FAM193A: variants seen among roughly 807,000 people sequenced by gnomAD.
FAM193A encodes the protein family with sequence similarity 193 member A.
Under a neutral mutation model 126.5 loss-of-function variants are expected in FAM193A, and 22 were observed. That is an observed-to-expected ratio of 0.17 (90% CI 0.12 to 0.25). The LOEUF (loss-of-function observed/expected upper bound fraction) is 0.25, where lower values mean the gene tolerates loss of function less well. Ranked by LOEUF, FAM193A falls within the 10% of genes least tolerant of loss-of-function variation. The pLI is 1.00. For missense variants in FAM193A, 1,675 were observed against 1,672.8 expected, an observed-to-expected ratio of 1.00 and a Z score of -0.02; for synonymous variants, 761 against 646.8, an observed-to-expected ratio of 1.18 and a Z score of -2.68.
chr4:2,625,216 G>C, intron 2 of FAM193A, 46 bp from the exon 3 acceptor site: 1 of 639,580 alleles, frequency 1.6e-6, no homozygotes, highest in Non-Finnish European at 2.9e-6. Flanking sequence ...TTGATGCCGT[G>C]AACATTTTAA....
chr4:2,539,573 A>G (rs888285420), intron 1 of FAM193A, among the ~76,000 whole-genome samples: 1 of 151,884 alleles, frequency 6.6e-6, no homozygotes, highest in African/African-American at 2.4e-5. Flanking sequence ...TGCCTGGCTA[A>G]TTTGTTCTTT....
intron 1 of FAM193A, among the ~76,000 whole-genome samples, chr4:2,550,041 T>TA (rs1405352222): frequency 2.7e-5 from 4 of 148,242 alleles, no homozygotes; most frequent in South Asian, 2.2e-4. Flanking sequence ...TTTTTTTTTT[T>TA]AATTTTAATT....
rs1207985820 is a variant in FAM193A, at chr4:2,620,836, C to CAAAAAAAAAAAGAAAAAAA, written c.502-4415_502-4414insGAAAAAAAAAAAAAAAAAA. On this transcript the variant is annotated intron_variant, in intron 2 of 20. Coordinates refer to ENST00000637812, the MANE Select transcript of FAM193A (RefSeq NM_001366318.2). ...GGGCAAGAAGACTGCAACTCCGTCT[C>CAAAAAAAAAAAGAAAAAAA]AAAAAAAAAAAAAAAAAAAAAAGTA... Among the ~76,000 whole-genome samples, 396 of 69,082 alleles carry CAAAAAAAAAAAGAAAAAAA rather than the reference C, an allele frequency of 5.7e-3. 5 individuals carry two copies. Among genetic ancestry groups the CAAAAAAAAAAAGAAAAAAA allele is most frequent in the African/African-American group, 0.023 (378 of 16,488 alleles). 45.3% of individuals were successfully genotyped at this position (69,082 alleles called of 152,430 possible).
At chr4:2,669,922 A>C (rs1465041198) in intron 12 of FAM193A, among the ~76,000 whole-genome samples, 1 of 152,216 alleles carries the variant, frequency 6.6e-6, no homozygotes, top group Admixed American at 6.5e-5. Context: ...AGAGTTCTGC[A>C]GCTCTCAGTA....
chr4:2,602,639 C>G (rs912424196), intron 2 of FAM193A, among the ~76,000 whole-genome samples: 2 of 151,940 alleles, frequency 1.3e-5, no homozygotes, highest in African/African-American at 4.8e-5. Context: ...AGGCATGAGG[C>G]TGGCCATGTT....
At chr4:2,604,827 T>TC (rs1741437413) in intron 2 of FAM193A, among the ~76,000 whole-genome samples, 1 of 136,924 alleles carries the variant, frequency 7.3e-6, no homozygotes, top group African/African-American at 2.8e-5. Context: ...TGGCAAGGCC[T>TC]CTCTCTGTCA....
chr4:2,692,327 G>A (rs1162358040), intron 15 of FAM193A, among the ~76,000 whole-genome samples: 1 of 152,172 alleles, frequency 6.6e-6, no homozygotes, highest in Non-Finnish European at 1.5e-5. Context: ...AGAACAGCAT[G>A]GGGGAAACCA....
At chr4:2,556,058 G>C (rs1738239805) in intron 1 of FAM193A, among the ~76,000 whole-genome samples, 1 of 151,754 alleles carries the variant, frequency 6.6e-6, no homozygotes, top group Non-Finnish European at 1.5e-5. Flanking sequence ...CACCACGCCT[G>C]GATAATTTTG....
intron 2 of FAM193A, among the ~76,000 whole-genome samples, chr4:2,618,861 G>T (rs1377394877): frequency 1.3e-5 from 2 of 152,022 alleles, no homozygotes; most frequent in African/African-American, 4.8e-5. Flanking sequence ...CTCCCAAAGT[G>T]TTGCGATTAC....
Position 2,639,879 on chromosome 4 carries a change from A to G in FAM193A, c.1163+20A>G, listed in dbSNP as rs115371264. ...GATCAGGTATTTTGCCTTAACCCGT[A>G]TGTGTCTTTGTGGTGTGACAGCACA... is the stretch of plus-strand genomic sequence containing the variant. On this transcript the variant is annotated intron_variant, in intron 6 of 20. Transcript: ENST00000637812. 8,506 of 1,610,296 alleles carry G rather than the reference A, an allele frequency of 5.3e-3. 396 individuals are homozygous for G. The African/African-American group carries it at 0.1, about 19-fold the overall frequency.
At chr4:2,537,587 C>T (rs1736963765) in intron 1 of FAM193A, among the ~76,000 whole-genome samples, 2 of 152,236 alleles carry the variant, frequency 1.3e-5, no homozygotes, top group South Asian at 4.1e-4. Flanking sequence ...GCGCCTCGCC[C>T]GCTGCGGCGG....
rs1741773564 is a variant in FAM193A at position 2,610,107 on chromosome 4, C to T, written c.501+13778C>T. ...ATTAGTTGGGCTTGGTTGCGGGTGC[C>T]TGTAATCCCAGCTACTCAGGAGGCT... is the stretch of plus-strand genomic sequence containing the variant. On this transcript the variant is annotated intron_variant, in intron 2 of 20. Transcript: ENST00000637812. 2.6e-5 allele frequency among the ~76,000 whole-genome samples: 4 copies of T among 151,844 alleles called. No individual in the cohort carries two copies. In the South Asian group the frequency reaches 8.3e-4, roughly 32 times the overall value.
chr4:2,592,215 AGTAGCTGG>A (rs1420635914), intron 1 of FAM193A, among the ~76,000 whole-genome samples: 1 of 151,888 alleles, frequency 6.6e-6, no homozygotes, highest in African/African-American at 2.4e-5. Flanking sequence ...CCTCAGCTTG[AGTAGCTGG>A]GATTACAGAT....
rs1741656113 is a variant in FAM193A at position 2,608,210 on chromosome 4, T to C, written c.501+11881T>C. The C allele has an allele frequency of 2.3e-6, 3 of 1,313,100 alleles. No homozygotes were observed. In the Admixed American group the frequency reaches 5.9e-5, roughly 26 times the overall value. The allele number at this position is 1,313,100 out of a possible 1,614,324, so 81.3% of individuals were successfully genotyped here. On this transcript the variant is annotated intron_variant, in intron 2 of 20. Coordinates refer to ENST00000637812, the MANE Select transcript of FAM193A (RefSeq NM_001366318.2). ...TTTTTCTTTTCTGTTTTCGAGACGG[T>C]CGGTCTCGCCCAGTATGGAGTGCAG...
intron 1 of FAM193A, among the ~76,000 whole-genome samples, chr4:2,537,498 G>T (rs940400653): frequency 1.3e-5 from 2 of 152,254 alleles, no homozygotes; most frequent in African/African-American, 2.4e-5. Context: ...GACGTCTCCG[G>T]GGTGCAGCTC....
intron 1 of FAM193A, among the ~76,000 whole-genome samples, chr4:2,591,131 G>A (rs1343023324): frequency 6.6e-6 from 1 of 152,058 alleles, no homozygotes; most frequent in East Asian, 1.9e-4. Context: ...GAATAAAAAA[G>A]TTACCATAGT....
In FAM193A at chr4:2,710,965, A is replaced by C. The variant is rs1577253221; in HGVS notation, c.4373-5058A>C. Among the ~76,000 whole-genome samples the C allele has an allele frequency of 2.1e-5, 3 of 146,326 alleles. No homozygotes were observed. The Admixed American group carries it at 2.1e-4, about 10-fold the overall frequency. ...CTCCCGGGTTCATGCCATTCTCCTGACTCAGCCTCCCAAGTAGCTGGGACT... is the reference window on the plus strand; with the variant it reads ...CTCCCGGGTTCATGCCATTCTCCTGCCTCAGCCTCCCAAGTAGCTGGGACT... On this transcript the variant is annotated intron_variant, in intron 19 of 20. Coordinates refer to ENST00000637812, the MANE Select transcript of FAM193A (RefSeq NM_001366318.2).
Position 2,732,001 on chromosome 4 carries a change from C to T in FAM193A, c.*133C>T, listed in dbSNP as rs777701583. 1 of 734,688 alleles carries T rather than the reference C, an allele frequency of 1.4e-6. No individual in the cohort carries two copies. Among genetic ancestry groups the T allele is most frequent in the Non-Finnish European group, 2.4e-6 (1 of 415,426 alleles). 45.5% of individuals were successfully genotyped at this position (734,688 alleles called of 1,614,324 possible). The stretch of plus-strand genomic sequence containing the variant: ...TGCGGAGCTGGTGCTGCCTGAAACC[C>T]CAGACCGAGAAGTTGATGCTCGGCC... On this transcript the variant is annotated 3_prime_UTR_variant, in exon 21 of 21. Coordinates refer to ENST00000637812, the MANE Select transcript of FAM193A (RefSeq NM_001366318.2).
At chr4:2,607,341 G>A (rs77780973) in intron 2 of FAM193A, among the ~76,000 whole-genome samples, 2,295 of 152,290 alleles carry the variant, frequency 0.015, 48 homozygotes, top group African/African-American at 0.052. Context: ...CCTTGCATTG[G>A]TGTTTCACTC....
Sources: gnomAD v4.1 joint callset for allele counts (sites outside exome capture counted in the v4.1 genomes callset) on GRCh38, gnomAD v4.1.1 for gene constraint, MANE v1.5 for transcripts, NCBI Gene and HGNC (gene_info 2026-07-23, HGNC 2026-07-21) for gene names.